Variants in UBE2K observed in about 807,000 individuals in gnomAD.
The protein encoded by UBE2K is ubiquitin-conjugating enzyme E2 K.
A neutral mutation model predicts 30.0 loss-of-function variants in UBE2K; 6 were observed. The observed-to-expected ratio is 0.20, with a 90% CI of 0.11 to 0.39. The LOEUF is 0.39. Among genes scored for constraint, UBE2K ranks in the 10% least tolerant of loss-of-function variants. UBE2K has a pLI of 1.00. For synonymous variants in UBE2K, 86 were observed against 83.7 expected (o/e 1.03, Z -0.15); for missense variants, 61 against 241.6 (o/e 0.25, Z 4.96).
chr4:39,758,745 C>T (rs1434044408), intron 4 of UBE2K, among the ~76,000 whole-genome samples: 1 of 151,338 alleles, frequency 6.6e-6, no homozygotes, highest in South Asian at 2.1e-4. Flanking sequence ...CTCTTTTTGC[C>T]CAGAGTTAAG....
intron 3 of UBE2K, among the ~76,000 whole-genome samples, chr4:39,750,644 T>C (rs1721208024): frequency 6.6e-6 from 1 of 151,880 alleles, no homozygotes; most frequent in African/African-American, 2.4e-5. Context: ...TCTTCCCACC[T>C]TGGCCTCCCA....
chr4:39,759,898 G>C (rs931366798), intron 4 of UBE2K, among the ~76,000 whole-genome samples: 5 of 152,100 alleles, frequency 3.3e-5, no homozygotes, highest in African/African-American at 1.2e-4. Context: ...TAACCAGGCA[G>C]GGCACGGTGG....
In UBE2K at chr4:39,778,560, A is replaced by G. The variant is rs1370025718; in HGVS notation, c.*126A>G. 3.9e-6 allele frequency: 2 copies of G among 512,810 alleles called. No individual in the cohort carries two copies. The highest frequency in any genetic ancestry group is 3.7e-5 in the Admixed American group (1 of 26,896). 31.8% of individuals were successfully genotyped at this position (512,810 alleles called of 1,614,324 possible). Reference sequence around the variant, plus strand: ...TCTTGCCTAATGATGTTATCTAGGCACCATTGGAGACTGAAAAAAAAAAAT... The same window carrying G: ...TCTTGCCTAATGATGTTATCTAGGCGCCATTGGAGACTGAAAAAAAAAAAT... On this transcript the variant is annotated 3_prime_UTR_variant, in exon 7 of 7. Coordinates refer to ENST00000261427, the MANE Select transcript of UBE2K (RefSeq NM_005339.5).
At chr4:39,755,414 G>A (rs1245276139) in intron 3 of UBE2K, among the ~76,000 whole-genome samples, 1 of 152,164 alleles carries the variant, frequency 6.6e-6, no homozygotes, top group East Asian at 1.9e-4. Context: ...TAAGCTCCTA[G>A]TAATTGTTGG....
chr4:39,741,383 T>C (rs917925814), intron 2 of UBE2K, among the ~76,000 whole-genome samples: 3 of 152,242 alleles, frequency 2.0e-5, no homozygotes, highest in Non-Finnish European at 4.4e-5. Context: ...AATTCTGTTA[T>C]TTTATATAAA....
chr4:39,708,876 A>G (rs1418105932), intron 1 of UBE2K, among the ~76,000 whole-genome samples: 4 of 151,718 alleles, frequency 2.6e-5, no homozygotes, highest in African/African-American at 4.8e-5. Context: ...GCTGACTGCT[A>G]ATACAACTTT....
At chr4:39,753,002 G>A (rs1055479595) in intron 3 of UBE2K, among the ~76,000 whole-genome samples, 1 of 152,080 alleles carries the variant, frequency 6.6e-6, no homozygotes, top group Admixed American at 6.6e-5. Flanking sequence ...CCTGGGCAAC[G>A]GGAGTGAGAC....
intron 1 of UBE2K, among the ~76,000 whole-genome samples, chr4:39,707,499 C>T (rs1340687276): frequency 6.6e-6 from 1 of 151,232 alleles, no homozygotes; most frequent in African/African-American, 2.4e-5. Flanking sequence ...CGTGCCTGGC[C>T]TGTATGACTG....
rs1349612800 is a variant in UBE2K, at chr4:39,781,003, C to G, written c.*2569C>G. The stretch of plus-strand genomic sequence containing the variant: ...GCCGATTTGTTAGAAGTCACTGATG[C>G]TCCAGTAGGCTTTTGTTATAATCAG... On this transcript the variant is annotated 3_prime_UTR_variant, in exon 7 of 7. Coordinates refer to ENST00000261427, the MANE Select transcript of UBE2K (RefSeq NM_005339.5). The G allele has an allele frequency of 6.6e-6, 1 of 152,076 alleles. No individual in the cohort carries two copies. The highest frequency in any genetic ancestry group is 2.4e-5 in the African/African-American group (1 of 41,428). The allele number at this position is 152,076 out of a possible 1,614,324, so 9.4% of individuals were successfully genotyped here.
At chr4:39,710,117 A>G (rs548941027) in intron 1 of UBE2K, 63 of 152,140 alleles carry the variant, frequency 4.1e-4, no homozygotes, top group African/African-American at 1.5e-3. Flanking sequence ...GTGGAAATGG[A>G]AAAGGAAAAA....
intron 4 of UBE2K, among the ~76,000 whole-genome samples, chr4:39,763,820 G>T (rs1479926812): frequency 2.0e-5 from 3 of 152,040 alleles, no homozygotes; most frequent in Admixed American, 6.6e-5. Context: ...GCTCACTGCA[G>T]CCTCAACCTT....
chr4:39,770,967 G>T lies in UBE2K; in HGVS notation c.300-3867G>T, dbSNP rs1379327966. On this transcript the variant is annotated intron_variant, in intron 4 of 6. Transcript: ENST00000261427. ...GCTTCGGGGCTGGCTTTGGGGTCCT[G>T]GCTGGAGGGAGGAGGGACTTGTTGG... is the stretch of plus-strand genomic sequence containing the variant. The T allele has an allele frequency of 3.8e-6, 6 of 1,596,522 alleles. No homozygotes were observed. In the African/African-American group the frequency reaches 5.4e-5, roughly 14 times the overall value.
chr4:39,753,469 C>T (rs1039606643), intron 3 of UBE2K, among the ~76,000 whole-genome samples: 4 of 152,188 alleles, frequency 2.6e-5, no homozygotes. Flanking sequence ...ATTAAGTGCA[C>T]ATTCATTCCA....
intron 1 of UBE2K, among the ~76,000 whole-genome samples, chr4:39,736,690 A>T (rs1358379560): frequency 6.6e-6 from 1 of 152,232 alleles, no homozygotes; most frequent in Non-Finnish European, 1.5e-5. Flanking sequence ...AATGCTATAG[A>T]TAGGAAAGTA....
intron 4 of UBE2K, chr4:39,771,462 C>T: frequency 6.4e-7 from 1 of 1,556,356 alleles, no homozygotes; most frequent in Non-Finnish European, 8.7e-7. Context: ...CAACCCTGGC[C>T]CGGTTCCGCG....
chr4:39,781,233 T>C lies in UBE2K; in HGVS notation c.*2799T>C, dbSNP rs376685483. The C allele has an allele frequency of 5.8e-4, 88 of 152,274 alleles. No individual in the cohort carries two copies. The highest frequency in any genetic ancestry group is 1.9e-3 in the African/African-American group (78 of 41,588). 9.4% of individuals were successfully genotyped at this position (152,274 alleles called of 1,614,324 possible). A position where few individuals can be genotyped will look rare whatever the true frequency, so the allele number is the denominator to read the frequency against. On this transcript the variant is annotated 3_prime_UTR_variant, in exon 7 of 7. Transcript: ENST00000261427. Reference sequence around the variant, plus strand: ...AATGTTTGGAATCACGACTATGATTTACTTAAACACGTAACACATTCAAGG... The same window carrying C: ...AATGTTTGGAATCACGACTATGATTCACTTAAACACGTAACACATTCAAGG...
chr4:39,763,507 C>T (rs529335018), intron 4 of UBE2K, among the ~76,000 whole-genome samples: 75 of 152,122 alleles, frequency 4.9e-4, no homozygotes, highest in Non-Finnish European at 7.2e-4. Flanking sequence ...CACCTGACCT[C>T]CCAAAGTGCT....
chr4:39,712,879 T>A (rs1304928351), intron 1 of UBE2K, among the ~76,000 whole-genome samples: 38 of 143,338 alleles, frequency 2.7e-4, no homozygotes, highest in African/African-American at 5.3e-4. Context: ...TTTTTTTTTT[T>A]AAATGAGACG....
chr4:39,702,599 C>A (rs1254408551), intron 1 of UBE2K, among the ~76,000 whole-genome samples: 1 of 152,022 alleles, frequency 6.6e-6, no homozygotes, highest in African/African-American at 2.4e-5. Context: ...ATGGCATAAA[C>A]AAATTGGTTT....
Sources: allele counts gnomAD v4.1 joint callset (sites outside exome capture counted in the v4.1 genomes callset), GRCh38; gene constraint gnomAD v4.1.1; transcripts MANE v1.5; gene names NCBI Gene and HGNC (gene_info 2026-07-23, HGNC 2026-07-21).